The following FBN1 variants were observed in gnomAD, a reference collection of about 807,000 sequenced individuals.
FBN1 encodes fibrillin 1, also known as fibrillin-1.
Under a neutral mutation model 365.1 loss-of-function variants are expected in FBN1, and 29 were observed. The observed-to-expected ratio is 0.08, with a 90% CI of 0.06 to 0.11. The LOEUF (loss-of-function observed/expected upper bound fraction) is 0.11, where lower values mean the gene tolerates loss of function less well. FBN1 is among the 10% of genes least tolerant of loss of function. The pLI, the probability that FBN1 is intolerant of heterozygous loss-of-function variation, is 1.00. For synonymous variants in FBN1, 1,210 were observed against 1,270.5 expected (o/e 0.95, Z 1.01); for missense variants, 2,476 against 3,703.2 (o/e 0.67, Z 8.60).
chr15:48,416,895 T>C (rs550971912), intron 63 of FBN1, among the ~76,000 whole-genome samples: 22 of 152,364 alleles, frequency 1.4e-4, no homozygotes, highest in African/African-American at 5.0e-4. Context: ...AGGGAATGAA[T>C]GTTTATTAGA....
chr15:48,494,981 C>T, intron 22 of FBN1, 142 bp downstream of exon 22: 1 of 902,664 alleles, frequency 1.1e-6, no homozygotes, highest in Non-Finnish European at 1.8e-6. Context: ...TCTTATTTCC[C>T]ATTCAGCAAT....
chr15:48,435,770 A>G (rs28538040), intron 53 of FBN1, among the ~76,000 whole-genome samples: 9 of 21,930 alleles, frequency 4.1e-4, no homozygotes, highest in East Asian at 2.0e-3. Flanking sequence ...ATATATGTGT[A>G]TATGTGTGTG....
chr15:48,547,491 G>A (rs1182548240), intron 6 of FBN1, among the ~76,000 whole-genome samples: 1 of 152,134 alleles, frequency 6.6e-6, no homozygotes, highest in Non-Finnish European at 1.5e-5. Context: ...TCAATTCTGA[G>A]AGATCTGGTG....
At chr15:48,506,689 T>C (rs1482216407) in intron 15 of FBN1, among the ~76,000 whole-genome samples, 2 of 152,218 alleles carry the variant, frequency 1.3e-5, no homozygotes, top group East Asian at 1.9e-4. Context: ...TGAATTAGCA[T>C]TGATGATTCA....
intron 36 of FBN1, among the ~76,000 whole-genome samples, chr15:48,468,791 G>C (rs183406319): frequency 1.1e-4 from 17 of 149,698 alleles, no homozygotes; most frequent in African/African-American, 4.2e-4. Flanking sequence ...ACTTTGGGCC[G>C]GGCACGGTGG....
intron 38 of FBN1, among the ~76,000 whole-genome samples, chr15:48,466,278 C>G (rs1458012282): frequency 6.6e-6 from 1 of 152,206 alleles, no homozygotes; most frequent in Non-Finnish European, 1.5e-5. Context: ...TTCCAAAACC[C>G]TTTCCAAATA....
chr15:48,577,751 G>A (rs1162915725), intron 6 of FBN1, among the ~76,000 whole-genome samples: 1 of 152,176 alleles, frequency 6.6e-6, no homozygotes, highest in African/African-American at 2.4e-5. Flanking sequence ...TTTGTTTCAT[G>A]TGTTGGTGAC....
At chr15:48,483,746 A>G in intron 31 of FBN1, 72 bp downstream of exon 31, 1 of 1,579,662 alleles carries the variant, frequency 6.3e-7, no homozygotes, top group Non-Finnish European at 8.7e-7. Flanking sequence ...ACTGACCCAA[A>G]CTAACTTTAT....
intron 16 of FBN1, 29 bp from the exon 17 acceptor site, chr15:48,503,968 A>T: frequency 2.5e-6 from 4 of 1,613,522 alleles, no homozygotes; most frequent in Non-Finnish European, 3.4e-6. Context: ...CTGTCATCAC[A>T]CTGTCACTTC....
At chr15:48,627,400 T>C (rs1241812164) in intron 2 of FBN1, among the ~76,000 whole-genome samples, 1 of 152,220 alleles carries the variant, frequency 6.6e-6, no homozygotes, top group Non-Finnish European at 1.5e-5. Flanking sequence ...CTTAACATGC[T>C]CAACGTTTGA....
At chr15:48,481,937 CTTCATTCTTTACATTGCAAGCTCA>C (rs2043468646) in intron 31 of FBN1, among the ~76,000 whole-genome samples, 157 bp from the exon 32 acceptor site, 1 of 152,174 alleles carries the variant, frequency 6.6e-6, no homozygotes, top group African/African-American at 2.4e-5. Context: ...TACATTTGCT[CTTCATTCTTTACATTGCAAGCTCA>C]TTATTCAGAC....
intron 7 of FBN1, among the ~76,000 whole-genome samples, chr15:48,536,729 G>A (rs950093466): frequency 1.3e-5 from 2 of 152,198 alleles, no homozygotes; most frequent in South Asian, 2.1e-4. Context: ...GAAGTGGAAT[G>A]TAATGGAGAC....
chr15:48,536,274 G>A (rs79044045), intron 7 of FBN1, among the ~76,000 whole-genome samples: 3,162 of 152,242 alleles, frequency 0.021, 45 homozygotes, highest in Non-Finnish European at 0.03. Context: ...AAAGAAACAG[G>A]AAGCAAATGC....
chr15:48,469,151 T>TAAAATATAATATATATTACATAGATATAG (rs2043349851), intron 36 of FBN1, among the ~76,000 whole-genome samples: 1 of 147,994 alleles, frequency 6.8e-6, no homozygotes. Context: ...CATATATATA[T>TAAAATATAATATATATTACATAGATATAG]ATAACTTTGG....
chr15:48,561,650 G>GA (rs2044223068), intron 6 of FBN1, among the ~76,000 whole-genome samples: 1 of 152,062 alleles, frequency 6.6e-6, no homozygotes, highest in Admixed American at 6.5e-5. Flanking sequence ...AACAATTTTT[G>GA]ATTCATCCAC....
At chr15:48,495,716 T>G in intron 20 of FBN1, 128 bp from the exon 21 acceptor site, 1 of 1,187,998 alleles carries the variant, frequency 8.4e-7, no homozygotes, top group South Asian at 1.3e-5. Context: ...TAAATAGTTT[T>G]TCCTACACTA....
rs781201348 is a variant in FBN1, at chr15:48,534,052, C to A, written c.862+28G>T. The A allele has an allele frequency of 1.1e-5, 17 of 1,612,496 alleles. No homozygotes were observed. In the East Asian group the frequency reaches 3.8e-4, roughly 36 times the overall value. On this transcript the variant is annotated intron_variant, in intron 8 of 65. Coordinates refer to ENST00000316623, the MANE Select transcript of FBN1 (RefSeq NM_000138.5). ...AGTTTTGCCTGCCCCCACTACACCCCCCAACTGCAAAGCATAAGATTTCTT... is the reference window on the plus strand; with the variant it reads ...AGTTTTGCCTGCCCCCACTACACCCACCAACTGCAAAGCATAAGATTTCTT...
chr15:48,437,504 A>G, intron 51 of FBN1, 117 bp from the exon 52 acceptor site: 1 of 974,568 alleles, frequency 1.0e-6, no homozygotes, highest in South Asian at 1.4e-5. Context: ...ATGATGGAAA[A>G]AACAAGCCCA....
rs191646325 is a variant in FBN1, at chr15:48,465,335, A to G, written c.4942+233T>C. Among the ~76,000 whole-genome samples, 13 of 152,372 alleles carry G rather than the reference A, an allele frequency of 8.5e-5. No homozygotes were observed. In the East Asian group the frequency reaches 1.5e-3, roughly 18 times the overall value. ...ATAAATGAGGCTATGGTCCAGCAGA[A>G]TAAGATTCTGTTTTTCTCAGGAAAA... On this transcript the variant is annotated intron_variant, in intron 40 of 65. Transcript: ENST00000316623.
Sources: allele counts gnomAD v4.1 joint callset (sites outside exome capture counted in the v4.1 genomes callset), GRCh38; gene constraint gnomAD v4.1.1; transcripts MANE v1.5; gene names NCBI Gene and HGNC (gene_info 2026-07-23, HGNC 2026-07-21).